Variants in MAGI2 observed in about 807,000 individuals in gnomAD.
MAGI2 encodes the protein membrane associated guanylate kinase, WW and PDZ domain containing 2.
MAGI2 carries 35 observed loss-of-function variants against 133.3 expected under a neutral mutation model. The observed-to-expected ratio is 0.26, with a 90% CI of 0.20 to 0.35. The LOEUF (loss-of-function observed/expected upper bound fraction) is 0.35, where lower values mean the gene tolerates loss of function less well. MAGI2 is among the 10% of genes least tolerant of loss of function. The pLI, the probability that MAGI2 is intolerant of heterozygous loss-of-function variation, is 1.00. For synonymous variants in MAGI2, 729 were observed against 710.6 expected, an observed-to-expected ratio of 1.03 and a Z score of -0.41; for missense variants, 1,636 against 1,863.4, an observed-to-expected ratio of 0.88 and a Z score of 2.25.
intron 2 of MAGI2, among the ~76,000 whole-genome samples, chr7:78,630,413 C>CTTTTTTTTTT (rs35696228): frequency 8.9e-6 from 1 of 112,340 alleles, no homozygotes; most frequent in Non-Finnish European, 1.7e-5. Context: ...TTGTGTTTAA[C>CTTTTTTTTTT]TTTTTTTTTT....
intron 2 of MAGI2, among the ~76,000 whole-genome samples, chr7:78,857,035 A>G (rs1353532986): frequency 6.6e-6 from 1 of 152,190 alleles, no homozygotes; most frequent in African/African-American, 2.4e-5. Context: ...GAGTTCACTC[A>G]TGATTTGGCT....
chr7:78,440,909 C>T (rs1379192403), intron 6 of MAGI2, among the ~76,000 whole-genome samples: 1 of 152,042 alleles, frequency 6.6e-6, no homozygotes, highest in East Asian at 1.9e-4. Flanking sequence ...GCTGAGATCG[C>T]ACCACTGCAC....
intron 1 of MAGI2, among the ~76,000 whole-genome samples, chr7:79,269,228 C>T (rs1297623943): frequency 6.6e-6 from 1 of 152,170 alleles, no homozygotes; most frequent in East Asian, 1.9e-4. Flanking sequence ...TAGCAAACCA[C>T]ATTTTAAAGG....
intron 2 of MAGI2, among the ~76,000 whole-genome samples, chr7:78,835,683 C>T (rs527541656): frequency 1.3e-5 from 2 of 152,278 alleles, no homozygotes; most frequent in South Asian, 2.1e-4. Flanking sequence ...TGTATCATTC[C>T]TCACTCCCAG....
At chr7:78,783,137 A>G (rs771813850) in intron 2 of MAGI2, among the ~76,000 whole-genome samples, 3 of 151,820 alleles carry the variant, frequency 2.0e-5, no homozygotes, top group African/African-American at 4.8e-5. Context: ...AGTGCCCAAG[A>G]AAAATATTAG....
chr7:78,265,112 C>G (rs1006407914), intron 9 of MAGI2, among the ~76,000 whole-genome samples: 2 of 151,782 alleles, frequency 1.3e-5, no homozygotes, highest in African/African-American at 4.8e-5. Flanking sequence ...TTAAGCAGCA[C>G]ACATCCAACA....
chr7:79,420,490 A>G (rs151166589), intron 1 of MAGI2, among the ~76,000 whole-genome samples: 1 of 151,918 alleles, frequency 6.6e-6, no homozygotes, highest in Non-Finnish European at 1.5e-5. Flanking sequence ...ACTTTTCTCA[A>G]TGTCAACATT....
chr7:79,059,904 T>C (rs139395894), intron 1 of MAGI2, among the ~76,000 whole-genome samples: 1 of 152,242 alleles, frequency 6.6e-6, no homozygotes, highest in Non-Finnish European at 1.5e-5. Context: ...CTGTGCTCAC[T>C]AGTGAATTTA....
chr7:79,014,592 G>C (rs1403128272), intron 1 of MAGI2, among the ~76,000 whole-genome samples: 1 of 152,000 alleles, frequency 6.6e-6, no homozygotes, highest in Non-Finnish European at 1.5e-5. Context: ...ATATATATGG[G>C]TAAAAGGGAC....
At chr7:78,831,941 G>C (rs1791195758) in intron 2 of MAGI2, among the ~76,000 whole-genome samples, 1 of 152,012 alleles carries the variant, frequency 6.6e-6, no homozygotes, top group Admixed American at 6.6e-5. Flanking sequence ...TAAAAGGAAG[G>C]GTCCATTTGG....
At chr7:79,429,429 A>G (rs956028809) in intron 1 of MAGI2, among the ~76,000 whole-genome samples, 3 of 152,042 alleles carry the variant, frequency 2.0e-5, no homozygotes, top group African/African-American at 7.2e-5. Flanking sequence ...CAGCCTCCCA[A>G]GTAGCTGGGA....
At chr7:78,857,682 G>A (rs1364788354) in intron 2 of MAGI2, among the ~76,000 whole-genome samples, 1 of 152,148 alleles carries the variant, frequency 6.6e-6, no homozygotes, top group East Asian at 1.9e-4. Flanking sequence ...TATTTACATC[G>A]ATGTTCATCA....
rs73703716 is a variant in MAGI2, at chr7:78,182,905, G to A, written c.2311+2724C>T. 9.2e-3 allele frequency among the ~76,000 whole-genome samples: 1,393 copies of A among 152,196 alleles called. 25 individuals carry two copies. Among genetic ancestry groups the A allele is most frequent in the African/African-American group, 0.032 (1,331 of 41,528 alleles). ...CTCACTAATATTCTCCTTAGGTGAT[G>A]GCATAATTATCATTGGCCATCTATA... On this transcript the variant is annotated intron_variant, in intron 13 of 21. Coordinates refer to ENST00000354212, the MANE Select transcript of MAGI2 (RefSeq NM_012301.4).
intron 12 of MAGI2, among the ~76,000 whole-genome samples, chr7:78,192,631 C>A (rs1164486619): frequency 6.6e-6 from 1 of 150,938 alleles, no homozygotes; most frequent in South Asian, 2.1e-4. Flanking sequence ...TTTCCTTAAT[C>A]TTCAGTGGTA....
At chr7:78,296,643 A>T (rs1270284704) in intron 9 of MAGI2, among the ~76,000 whole-genome samples, 1 of 152,238 alleles carries the variant, frequency 6.6e-6, no homozygotes, top group African/African-American at 2.4e-5. Context: ...ACTCAGTAGA[A>T]TATAGAAGCA....
intron 2 of MAGI2, among the ~76,000 whole-genome samples, chr7:78,847,049 C>A (rs1045861746): frequency 6.6e-6 from 1 of 151,968 alleles, no homozygotes; most frequent in Non-Finnish European, 1.5e-5. Context: ...AATTGACATT[C>A]TTATAGACAA....
chr7:78,250,017 T>C (rs1351523529), intron 10 of MAGI2, among the ~76,000 whole-genome samples: 3 of 104,882 alleles, frequency 2.9e-5, no homozygotes, highest in Admixed American at 9.4e-5. Flanking sequence ...GTTTTTCTAA[T>C]AGAAAAAGCC....
intron 2 of MAGI2, among the ~76,000 whole-genome samples, chr7:78,819,297 T>A (rs1205999833): frequency 6.6e-6 from 1 of 152,104 alleles, no homozygotes; most frequent in Non-Finnish European, 1.5e-5. Flanking sequence ...TGTTTTTATG[T>A]TTTGGACATT....
intron 2 of MAGI2, among the ~76,000 whole-genome samples, chr7:78,768,567 G>A (rs1825256099): frequency 6.6e-6 from 1 of 152,142 alleles, no homozygotes; most frequent in Non-Finnish European, 1.5e-5. Flanking sequence ...AAAACCCTTG[G>A]AGGGTTACCC....
Sources: allele counts gnomAD v4.1 joint callset (sites outside exome capture counted in the v4.1 genomes callset), GRCh38; gene constraint gnomAD v4.1.1; transcripts MANE v1.5; gene names NCBI Gene and HGNC (gene_info 2026-07-23, HGNC 2026-07-21).